Variants in PRKG1 observed in about 807,000 individuals in gnomAD.
PRKG1 encodes the protein protein kinase cGMP-dependent 1.
In PRKG1, 35 loss-of-function variants were observed where a neutral mutation model predicts 88.1. The ratio of observed to expected loss-of-function variants is 0.40; its 90% confidence interval spans 0.30 to 0.53. The LOEUF (loss-of-function observed/expected upper bound fraction) is 0.53. Among genes scored for constraint, PRKG1 ranks in the 20% least tolerant of loss-of-function variants. The pLI, the probability that PRKG1 is intolerant of heterozygous loss-of-function variation, is 0.59. For synonymous variants in PRKG1, 303 were observed against 292.5 expected, an observed-to-expected ratio of 1.04 and a Z score of -0.37; for missense variants, 540 against 839.8, an observed-to-expected ratio of 0.64 and a Z score of 4.41.
intron 9 of PRKG1, among the ~76,000 whole-genome samples, chr10:52,233,196 A>AG (rs1554819737): frequency 1.2e-4 from 18 of 150,418 alleles, no homozygotes; most frequent in East Asian, 3.9e-4. Context: ...AAAAAAAAAA[A>AG]AGAGAGAGAG....
chr10:52,103,986 A>ATGTG (rs142403838), intron 7 of PRKG1, among the ~76,000 whole-genome samples: 15 of 144,042 alleles, frequency 1.0e-4, no homozygotes, highest in South Asian at 2.2e-4. Context: ...TTATGACTTC[A>ATGTG]TGTGTGTGTG....
chr10:51,130,249 A>C (rs1308636343), intron 1 of PRKG1, among the ~76,000 whole-genome samples: 1 of 152,040 alleles, frequency 6.6e-6, no homozygotes, highest in Non-Finnish European at 1.5e-5. Context: ...TCCCTTTCTA[A>C]ATATTTTCCC....
chr10:51,559,742 A>G (rs1431539628), intron 3 of PRKG1, among the ~76,000 whole-genome samples: 1 of 152,108 alleles, frequency 6.6e-6, no homozygotes, highest in Non-Finnish European at 1.5e-5. Context: ...AGGCAAGATA[A>G]TCATAAACAA....
intron 3 of PRKG1, among the ~76,000 whole-genome samples, chr10:51,629,438 C>T (rs948759828): frequency 9.2e-5 from 14 of 151,816 alleles, no homozygotes; most frequent in Admixed American, 1.3e-4. Context: ...TGTTTTCCTG[C>T]AACTAGATGG....
chr10:51,532,207 C>T (rs932446862), intron 3 of PRKG1, among the ~76,000 whole-genome samples: 2 of 152,150 alleles, frequency 1.3e-5, no homozygotes, highest in African/African-American at 4.8e-5. Context: ...AGTTCATACG[C>T]TATCTATAGG....
intron 3 of PRKG1, among the ~76,000 whole-genome samples, chr10:51,678,037 T>C (rs555670017): frequency 1.6e-4 from 25 of 152,176 alleles, no homozygotes; most frequent in Admixed American, 3.3e-4. Context: ...AGTCTTTTGT[T>C]CTCATTGTTG....
chr10:52,094,431 TC>T (rs1847128019), intron 7 of PRKG1, among the ~76,000 whole-genome samples: 2 of 152,198 alleles, frequency 1.3e-5, no homozygotes, highest in African/African-American at 4.8e-5. Flanking sequence ...TCTCTCTCTC[TC>T]TTTTATCTCT....
chr10:51,773,745 C>A lies in PRKG1; in HGVS notation c.593-30840C>A, dbSNP rs186169898. ...GTATACCATGTACCATTATTCATCT[C>A]ATTTAATTCTCACATTGAAATATTA... is the stretch of plus-strand genomic sequence containing the variant. On this transcript the variant is annotated intron_variant, in intron 3 of 17. Transcript: ENST00000373980. 4.1e-4 allele frequency among the ~76,000 whole-genome samples: 62 copies of A among 152,148 alleles called. No individual in the cohort carries two copies. In the East Asian group the frequency reaches 0.01, roughly 25 times the overall value.
At chr10:52,013,593 G>A (rs572102133) in intron 5 of PRKG1, among the ~76,000 whole-genome samples, 6 of 152,334 alleles carry the variant, frequency 3.9e-5, no homozygotes, top group Admixed American at 2.6e-4. Context: ...AAAGGTAGTA[G>A]CATGAGCTTA....
At chr10:51,078,556 A>T (rs1379880617) in intron 1 of PRKG1, among the ~76,000 whole-genome samples, 7 of 150,402 alleles carry the variant, frequency 4.7e-5, no homozygotes, top group Non-Finnish European at 1.0e-4. Context: ...ATTGCGAAGT[A>T]CTTTGGAGGA....
intron 2 of PRKG1, among the ~76,000 whole-genome samples, chr10:51,283,407 GA>G (rs1181116933): frequency 1.3e-5 from 2 of 152,046 alleles, no homozygotes; most frequent in African/African-American, 4.8e-5. Flanking sequence ...ATCTAGAATA[GA>G]TAACTAGATA....
chr10:51,809,297 A>AAC (rs1564655757), intron 4 of PRKG1, among the ~76,000 whole-genome samples: 2 of 152,032 alleles, frequency 1.3e-5, no homozygotes, highest in African/African-American at 4.8e-5. Context: ...AGAAAAAAAA[A>AAC]AAGGTATTCA....
At chr10:51,295,121 G>A (rs1183552593) in intron 2 of PRKG1, among the ~76,000 whole-genome samples, 1 of 151,980 alleles carries the variant, frequency 6.6e-6, no homozygotes, top group Non-Finnish European at 1.5e-5. Flanking sequence ...GCTATTGAAG[G>A]TCTTTTATGG....
chr10:51,280,938 G>A (rs1840277419), intron 2 of PRKG1, among the ~76,000 whole-genome samples: 1 of 152,138 alleles, frequency 6.6e-6, no homozygotes, highest in Non-Finnish European at 1.5e-5. Context: ...GGGGAGAGGT[G>A]CTCTGATTTT....
At chr10:51,389,818 C>T (rs991555223) in intron 2 of PRKG1, among the ~76,000 whole-genome samples, 1 of 152,260 alleles carries the variant, frequency 6.6e-6, no homozygotes, top group Middle Eastern at 3.4e-3. Flanking sequence ...ATGTCACTTT[C>T]AGTGACTTTT....
chr10:51,028,079 C>A (rs1483605630), intron 1 of PRKG1, among the ~76,000 whole-genome samples: 1 of 152,072 alleles, frequency 6.6e-6, no homozygotes, highest in Non-Finnish European at 1.5e-5. Flanking sequence ...TTCCAGTGAC[C>A]TTATTTCTGT....
chr10:52,291,362 G>C (rs1269978918), intron 17 of PRKG1, among the ~76,000 whole-genome samples: 1 of 150,444 alleles, frequency 6.6e-6, no homozygotes, highest in Non-Finnish European at 1.5e-5. Flanking sequence ...CCATTAACTT[G>C]TCATTTAGCA....
At chr10:51,100,036 G>A (rs571436742) in intron 1 of PRKG1, among the ~76,000 whole-genome samples, 7 of 152,162 alleles carry the variant, frequency 4.6e-5, no homozygotes, top group Admixed American at 6.5e-5. Context: ...TGGGATTCTA[G>A]GTATGCACTA....
chr10:51,976,409 T>C (rs1843834224), intron 5 of PRKG1, among the ~76,000 whole-genome samples: 1 of 151,946 alleles, frequency 6.6e-6, no homozygotes, highest in Non-Finnish European at 1.5e-5. Context: ...CAATGGAATA[T>C]TACTCAAGCA....
Sources: allele counts gnomAD v4.1 joint callset (sites outside exome capture counted in the v4.1 genomes callset), GRCh38; gene constraint gnomAD v4.1.1; transcripts MANE v1.5; gene names NCBI Gene and HGNC (gene_info 2026-07-23, HGNC 2026-07-21).